The following C11orf65 variants were observed in gnomAD, a reference collection of about 807,000 sequenced individuals.
C11orf65 encodes chromosome 11 open reading frame 65.
A neutral mutation model predicts 35.3 loss-of-function variants in C11orf65; 38 were observed. That is an observed-to-expected ratio of 1.08 (90% CI 0.83 to 1.41). The LOEUF (loss-of-function observed/expected upper bound fraction) is 1.41. C11orf65 is among the 40% of genes most tolerant of loss of function. The probability of loss-of-function intolerance (pLI) is 0.00; values close to 1 mark genes in which losing one functional copy is unlikely to be tolerated. For missense variants in C11orf65, 370 were observed against 367.1 expected (o/e 1.01, Z -0.06); for synonymous variants, 105 against 114.4 (o/e 0.92, Z 0.53).
downstream of C11orf65, chr11:108,329,320 C>G: frequency 1.6e-6 from 2 of 1,244,974 alleles, no homozygotes; most frequent in South Asian, 2.6e-5. Flanking sequence ...GTGACTTGGT[C>G]TTTTTATCTG....
At chr11:108,421,327 G>C (rs545531254) in intron 3 of C11orf65, among the ~76,000 whole-genome samples, 1 of 152,252 alleles carries the variant, frequency 6.6e-6, no homozygotes, top group East Asian at 1.9e-4. Flanking sequence ...GGGAAACTCT[G>C]TGCAGGTTCC....
At position 108,410,937 on chromosome 11, in the gene C11orf65, C is replaced by T. The variant is rs191247175; in HGVS notation, c.175-3788G>A. ...TGTTGGTCAGACTGGTCTCGAACTCCTGACCTCATGATCCCCCTGCCTTGG... is the reference window on the plus strand; with the variant it reads ...TGTTGGTCAGACTGGTCTCGAACTCTTGACCTCATGATCCCCCTGCCTTGG... On this transcript the variant is annotated intron_variant, in intron 3 of 8. Coordinates refer to ENST00000393084, the MANE Select transcript of C11orf65 (RefSeq NM_152587.5). 1.3e-4 allele frequency among the ~76,000 whole-genome samples: 20 copies of T among 152,050 alleles called. No individual in the cohort carries two copies. In the East Asian group the frequency reaches 3.9e-3, roughly 29 times the overall value.
upstream of C11orf65, among the ~76,000 whole-genome samples, chr11:108,468,408 G>A (rs1037722755): frequency 1.3e-5 from 2 of 152,152 alleles, no homozygotes; most frequent in African/African-American, 4.8e-5. Flanking sequence ...TGACACTTTG[G>A]CAGTGCTTTA....
At chr11:108,416,225 T>C (rs1191457294) in intron 3 of C11orf65, among the ~76,000 whole-genome samples, 1 of 152,100 alleles carries the variant, frequency 6.6e-6, no homozygotes, top group African/African-American at 2.4e-5. Context: ...ATTTAAAATA[T>C]ACAAAGAACT....
chr11:108,345,735 A>T (rs567215034), intron 2 of C11orf65: 1 of 1,588,822 alleles, frequency 6.3e-7, no homozygotes. Flanking sequence ...TATATTCTCT[A>T]TTTAAAGGAG....
At chr11:108,445,215 T>G in intron 2 of C11orf65, among the ~76,000 whole-genome samples, 1 of 152,186 alleles carries the variant, frequency 6.6e-6, no homozygotes, top group Non-Finnish European at 1.5e-5. Context: ...CAGTAACCTC[T>G]GCAGACTTAC....
intron 3 of C11orf65, among the ~76,000 whole-genome samples, chr11:108,426,681 T>C (rs7121112): frequency 0.43 from 65,337 of 150,704 alleles, 14,369 homozygotes; most frequent in Middle Eastern, 0.67. Flanking sequence ...AAAAAAAACC[T>C]GTATAGCCAA....
At chr11:108,345,965 T>G (rs1304269439) in intron 2 of C11orf65, 1 of 1,601,726 alleles carries the variant, frequency 6.2e-7, no homozygotes, top group Non-Finnish European at 8.5e-7. Context: ...AGGTTTTATT[T>G]TTGTTTGATT....
chr11:108,389,916 G>A (rs1196050479), intron 7 of C11orf65, among the ~76,000 whole-genome samples: 1 of 151,788 alleles, frequency 6.6e-6, no homozygotes, highest in African/African-American at 2.4e-5. Flanking sequence ...AGATGGTCTC[G>A]ATCTCCTGAC....
intron 2 of C11orf65, among the ~76,000 whole-genome samples, chr11:108,363,149 C>T (rs1481942073): frequency 6.6e-6 from 1 of 152,124 alleles, no homozygotes; most frequent in Non-Finnish European, 1.5e-5. Flanking sequence ...ACCCTTTCTG[C>T]CTTCAGCTTT....
chr11:108,314,148 C>T (rs2084405916), intron 6 of C11orf65, among the ~76,000 whole-genome samples: 1 of 151,982 alleles, frequency 6.6e-6, no homozygotes. Context: ...CAGGATCTGG[C>T]TCTGTTGCCC....
downstream of C11orf65, among the ~76,000 whole-genome samples, chr11:108,381,680 C>T (rs138386229): frequency 7.9e-3 from 1,203 of 152,170 alleles, 9 homozygotes; most frequent in African/African-American, 0.025. Context: ...GGATCATCTC[C>T]GAAATAAACT....
chr11:108,455,491 A>T (rs1316319244), intron 2 of C11orf65, among the ~76,000 whole-genome samples: 2 of 152,192 alleles, frequency 1.3e-5, no homozygotes, highest in Non-Finnish European at 2.9e-5. Context: ...TTCAAAGATA[A>T]CATGACTAAG....
chr11:108,455,447 G>C (rs7942014), intron 2 of C11orf65, among the ~76,000 whole-genome samples: 96,048 of 152,040 alleles, frequency 0.63, 30,764 homozygotes, highest in Middle Eastern at 0.76. Context: ...ACCAAAGATA[G>C]AAAGTTCACA....
intron 2 of C11orf65, chr11:108,354,735 G>GAT: frequency 2.4e-6 from 3 of 1,226,430 alleles, no homozygotes; most frequent in Non-Finnish European, 3.6e-6. Flanking sequence ...TACTACACAT[G>GAT]AGAGTATACA....
intron 2 of C11orf65, chr11:108,347,239 G>A (rs2088531689): frequency 7.2e-7 from 1 of 1,380,936 alleles, no homozygotes; most frequent in East Asian, 2.3e-5. Context: ...GAAAGAGATG[G>A]AATCAGTGAT....
At chr11:108,414,438 C>T (rs955839808) in intron 3 of C11orf65, among the ~76,000 whole-genome samples, 3 of 151,920 alleles carry the variant, frequency 2.0e-5, no homozygotes, top group Non-Finnish European at 4.4e-5. Context: ...GCACAAATAA[C>T]TCTATGCCCT....
intron 3 of C11orf65, among the ~76,000 whole-genome samples, chr11:108,418,962 G>C (rs1047927872): frequency 1.3e-5 from 2 of 152,020 alleles, no homozygotes; most frequent in African/African-American, 2.4e-5. Flanking sequence ...AATAGAAATA[G>C]AACTATAATT....
At chr11:108,401,968 C>T (rs1191602065) in intron 6 of C11orf65, among the ~76,000 whole-genome samples, 2 of 152,222 alleles carry the variant, frequency 1.3e-5, no homozygotes, top group Non-Finnish European at 1.5e-5. Context: ...GCCCAGCCAA[C>T]TCTCGATCTA....
Sources: gnomAD v4.1 joint callset for allele counts (sites outside exome capture counted in the v4.1 genomes callset) on GRCh38, gnomAD v4.1.1 for gene constraint, MANE v1.5 for transcripts, NCBI Gene and HGNC (gene_info 2026-07-23, HGNC 2026-07-21) for gene names.